The following MID1 variants were observed in gnomAD, a reference collection of about 807,000 sequenced individuals.
MID1 encodes E3 ubiquitin-protein ligase Midline-1.
Under a neutral mutation model 40.4 loss-of-function variants are expected in MID1, and 7 were observed. That is an observed-to-expected ratio of 0.17 (90% CI 0.10 to 0.33). The LOEUF (loss-of-function observed/expected upper bound fraction) is 0.33. Ranked by LOEUF, MID1 falls within the 10% of genes least tolerant of loss-of-function variation. MID1 has a pLI of 1.00. For synonymous variants in MID1, 229 were observed against 221.2 expected, an observed-to-expected ratio of 1.04 and a Z score of -0.31; for missense variants, 367 against 558.5, an observed-to-expected ratio of 0.66 and a Z score of 3.46.
intron 1 of MID1, among the ~76,000 whole-genome samples, chrX:10,721,319 T>C (rs2043353030): frequency 9.0e-6 from 1 of 111,243 alleles, no homozygotes; most frequent in Admixed American, 9.6e-5. Context: ...CTGTATGTAA[T>C]CAGAACTAGA....
At chrX:10,768,407 CATTAAACAA>C (rs2043745429) in intron 1 of MID1, among the ~76,000 whole-genome samples, 1 of 111,524 alleles carries the variant, frequency 9.0e-6, no homozygotes, top group South Asian at 3.7e-4. Context: ...ATAATGTTCT[CATTAAACAA>C]AGGTGATGTG....
At chrX:10,637,145 T>C (rs896847640) in intron 1 of MID1, among the ~76,000 whole-genome samples, 4 of 109,384 alleles carry the variant, frequency 3.7e-5, no homozygotes, top group African/African-American at 1.3e-4. Flanking sequence ...AATCTTCAGC[T>C]CCCTTTCTAT....
chrX:10,610,351 AC>A (rs1181563576), intron 1 of MID1, among the ~76,000 whole-genome samples: 6 of 112,257 alleles, frequency 5.3e-5, no homozygotes, highest in Admixed American at 9.4e-5. Context: ...GATGAACACA[AC>A]GTTTTTCAGT....
At chrX:10,464,299 C>T (rs1310630252) in intron 7 of MID1, among the ~76,000 whole-genome samples, 2 of 112,052 alleles carry the variant, frequency 1.8e-5, no homozygotes, top group African/African-American at 6.5e-5. Flanking sequence ...ATTAATGCAT[C>T]ATGTTTGGTA....
At chrX:10,639,571 C>T (rs1021537119) in intron 1 of MID1, among the ~76,000 whole-genome samples, 5 of 111,833 alleles carry the variant, frequency 4.5e-5, no homozygotes, top group Non-Finnish European at 7.5e-5. Context: ...GAGAATGGAA[C>T]CAAGTTGGAA....
intron 3 of MID1, among the ~76,000 whole-genome samples, chrX:10,500,215 G>T (rs903671035): frequency 2.7e-5 from 3 of 111,899 alleles, no homozygotes; most frequent in African/African-American, 9.7e-5. Flanking sequence ...TTGACTATTT[G>T]ATTTACAGAA....
At chrX:10,580,831 C>T (rs1934993458) in intron 1 of MID1, among the ~76,000 whole-genome samples, 1 of 108,933 alleles carries the variant, frequency 9.2e-6, no homozygotes. Flanking sequence ...TCCAGCTTTC[C>T]CTCTGGCATG....
chrX:10,713,993 T>C (rs752468290), intron 1 of MID1, among the ~76,000 whole-genome samples: 1 of 111,864 alleles, frequency 8.9e-6, no homozygotes, highest in Non-Finnish European at 1.9e-5. Flanking sequence ...TTACGTGCCC[T>C]ATGACAGCGG....
chrX:10,780,839 C>T lies in MID1; in HGVS notation c.-187+52715G>A, dbSNP rs762074267. On this transcript the variant is annotated intron_variant, in intron 1 of 10. Transcript: ENST00000380785. ...ATGAAACTGTTCCACCTCAGATCAT[C>T]AGGCATTAGTTAGATTCTCATAAGG... 1.3e-4 allele frequency among the ~76,000 whole-genome samples: 15 copies of T among 111,805 alleles called. No homozygotes were observed. The South Asian group carries it at 1.5e-3, about 11-fold the overall frequency.
intron 1 of MID1, among the ~76,000 whole-genome samples, chrX:10,816,434 A>G (rs2044136534): frequency 8.9e-6 from 1 of 112,328 alleles, no homozygotes; most frequent in Non-Finnish European, 1.9e-5. Context: ...GTGTGTCTCC[A>G]TAGCCTAATA....
At chrX:10,568,184 G>T (rs1934625898) in intron 1 of MID1, among the ~76,000 whole-genome samples, 1 of 111,746 alleles carries the variant, frequency 8.9e-6, no homozygotes, top group Non-Finnish European at 1.9e-5. Context: ...TTTAAGTGTG[G>T]GATGTCATTT....
chrX:10,560,035 C>T (rs1039895761), intron 2 of MID1, among the ~76,000 whole-genome samples: 1 of 109,202 alleles, frequency 9.2e-6, no homozygotes, highest in African/African-American at 3.3e-5. Context: ...GTACATGCCA[C>T]CATACCCAGT....
chrX:10,683,503 C>T (rs190305900), intron 1 of MID1, among the ~76,000 whole-genome samples: 1 of 110,758 alleles, frequency 9.0e-6, no homozygotes, highest in Non-Finnish European at 1.9e-5. Flanking sequence ...GATCATGCTG[C>T]TGCACTCTAG....
At chrX:10,646,149 T>C (rs191671195) in intron 1 of MID1, among the ~76,000 whole-genome samples, 1 of 112,091 alleles carries the variant, frequency 8.9e-6, no homozygotes, top group Non-Finnish European at 1.9e-5. Context: ...TGCTTCAAGA[T>C]CTGCTGTGGG....
At position 10,620,421 on chromosome X, in the gene MID1, T is replaced by C. The variant is rs1265862159; in HGVS notation, c.-188A>G. 1 of 112,965 alleles carries C rather than the reference T, an allele frequency of 8.9e-6. No individual in the cohort carries two copies. Among genetic ancestry groups the C allele is most frequent in the East Asian group, 2.8e-4 (1 of 3,596 alleles). 9.3% of individuals were successfully genotyped at this position (112,965 alleles called of 1,213,427 possible). ...AAGACAAAAGCAACCCGGCGAAATC[T>C]ACGGGCAGCAAAGAGCACGTTTTCG... On this transcript the variant is annotated 5_prime_UTR_variant, in exon 1 of 10. Transcript: ENST00000317552.
At chrX:10,777,036 G>A (rs1046686435) in intron 1 of MID1, among the ~76,000 whole-genome samples, 10 of 111,518 alleles carry the variant, frequency 9.0e-5, no homozygotes, top group Non-Finnish European at 1.9e-4. Context: ...TATGGAAATA[G>A]CCAAAGGCTT....
intron 1 of MID1, among the ~76,000 whole-genome samples, chrX:10,691,068 C>A (rs1395212534): frequency 1.8e-5 from 2 of 111,772 alleles, no homozygotes; most frequent in African/African-American, 6.5e-5. Flanking sequence ...TCTTCTAATA[C>A]AATATTTTAG....
chrX:10,465,214 T>TATATATATATATATATATAC (rs1477864693), intron 7 of MID1, among the ~76,000 whole-genome samples: 5 of 39,898 alleles, frequency 1.3e-4, no homozygotes, highest in Non-Finnish European at 2.1e-4. Flanking sequence ...TATATATATA[T>TATATATATATATATATATAC]ACACACACAC....
At chrX:10,593,762 GAC>G (rs57390547) in intron 1 of MID1, among the ~76,000 whole-genome samples, 2,858 of 83,164 alleles carry the variant, frequency 0.034, 40 homozygotes, top group Non-Finnish European at 0.039. Context: ...CTGTCCCTCT[GAC>G]ACACACACAC....
Sources: gnomAD v4.1 joint callset for allele counts (sites outside exome capture counted in the v4.1 genomes callset) on GRCh38, gnomAD v4.1.1 for gene constraint, MANE v1.5 for transcripts, NCBI Gene and HGNC (gene_info 2026-07-23, HGNC 2026-07-21) for gene names.